Variants in PRPS2 observed in about 807,000 individuals in gnomAD.
The protein encoded by PRPS2 is phosphoribosyl pyrophosphate synthetase 2, also known as ribose-phosphate pyrophosphokinase 2.
For missense variants in PRPS2, 104 were observed against 271.5 expected (o/e 0.38, Z 4.34); for synonymous variants, 111 against 115.3 (o/e 0.96, Z 0.24).
chrX:12,810,284 T>C (rs1260456330), intron 4 of PRPS2, 138 bp downstream of exon 4: 1 of 803,303 alleles, frequency 1.2e-6, no homozygotes, highest in Non-Finnish European at 1.8e-6. Context: ...GACCGCAGGC[T>C]TCACTTCCAG....
intron 6 of PRPS2, 61 bp downstream of exon 6, chrX:12,820,864 T>C (rs1156484542): frequency 1.6e-5 from 18 of 1,135,735 alleles, no homozygotes; most frequent in Non-Finnish European, 2.1e-5. Context: ...TCCTTAAAAA[T>C]AGCATCATGT....
intron 2 of PRPS2, among the ~76,000 whole-genome samples, chrX:12,800,795 T>C (rs1325800020): frequency 9.0e-6 from 1 of 111,730 alleles, no homozygotes; most frequent in East Asian, 2.8e-4. Flanking sequence ...TGAATTTTAA[T>C]CCCAGTCTCC....
intron 2 of PRPS2, among the ~76,000 whole-genome samples, chrX:12,801,509 A>G (rs1486954427): frequency 8.9e-6 from 1 of 112,118 alleles, no homozygotes; most frequent in East Asian, 2.8e-4. Context: ...TCTCCTTGTC[A>G]TATCACATCC....
At chrX:12,793,325 G>A (rs1455269465) in intron 1 of PRPS2, among the ~76,000 whole-genome samples, 3 of 112,600 alleles carry the variant, frequency 2.7e-5, no homozygotes, top group Non-Finnish European at 5.6e-5. Flanking sequence ...TCAGTGTTGA[G>A]TTTCTCCTAA....
chrX:12,794,176 G>A (rs1010442748), intron 1 of PRPS2, among the ~76,000 whole-genome samples: 3 of 112,634 alleles, frequency 2.7e-5, no homozygotes, highest in African/African-American at 6.5e-5. Flanking sequence ...TTTTTGCCGC[G>A]TATGGTCACA....
rs755390085 is a variant in PRPS2, at chrX:12,823,476, A to T, written c.*680A>T. 9.0e-6 allele frequency: 1 copy of T among 110,879 alleles called. No homozygotes were observed. Among genetic ancestry groups the T allele is most frequent in the East Asian group, 2.8e-4 (1 of 3,550 alleles). The allele number at this position is 110,879 out of a possible 1,213,427, so 9.1% of individuals were successfully genotyped here. A position where few individuals can be genotyped will look rare whatever the true frequency, so the allele number is the denominator to read the frequency against. ...AGTGTATTTCTGGATCATTTTTTAA[A>T]TGACCTCTTCTAAAACATAACTGTC... is the stretch of plus-strand genomic sequence containing the variant. On this transcript the variant is annotated 3_prime_UTR_variant, in exon 7 of 7. Coordinates refer to ENST00000380668, the MANE Select transcript of PRPS2 (RefSeq NM_002765.5).
At position 12,820,686 on chromosome X, in the gene PRPS2, C is replaced by T. The variant is rs1483937180; in HGVS notation, c.747C>T (p.Thr249=). The change falls in exon 6 of 7, where the codon ACC becomes ACT. Residue 249 remains threonine (T), a synonymous_variant. Transcript: ENST00000380668. ...AGATKVYAIL[T]HGIFSGPAIS... ...CCACCAAAGTGTATGCTATCCTTACCCATGGGATCTTCTCTGGACCAGCTA... is the reference window on the plus strand; with the variant it reads ...CCACCAAAGTGTATGCTATCCTTACTCATGGGATCTTCTCTGGACCAGCTA... The T allele has an allele frequency of 5.0e-6, 6 of 1,211,172 alleles. No individual in the cohort carries two copies. Among genetic ancestry groups the T allele is most frequent in the Non-Finnish European group, 5.6e-6 (5 of 895,209 alleles).
Position 12,803,458 on chromosome X carries a change from T to G in PRPS2, c.306+4068T>G, listed in dbSNP as rs1025032503. 4.5e-5 allele frequency among the ~76,000 whole-genome samples: 5 copies of G among 112,114 alleles called. No individual in the cohort carries two copies. In the Admixed American group the frequency reaches 4.7e-4, roughly 11 times the overall value. On this transcript the variant is annotated intron_variant, in intron 2 of 6. Transcript: ENST00000380668. ...GCACACCACCACGCCTGGCTAATATTTTTTGCTTTTTGTAGAGGCAGTGTC... is the reference window on the plus strand; with the variant it reads ...GCACACCACCACGCCTGGCTAATATGTTTTGCTTTTTGTAGAGGCAGTGTC...
chrX:12,821,896 GT>G (rs771831519), intron 6 of PRPS2, among the ~76,000 whole-genome samples: 1 of 112,505 alleles, frequency 8.9e-6, no homozygotes, highest in East Asian at 2.8e-4. Flanking sequence ...CTATGTCGCT[GT>G]GAACCTTGGC....
At chrX:12,794,802 T>A (rs746659587) in intron 1 of PRPS2, among the ~76,000 whole-genome samples, 1 of 111,795 alleles carries the variant, frequency 8.9e-6, no homozygotes, top group East Asian at 2.8e-4. Flanking sequence ...AGAACTGAGG[T>A]TCCTGAGTAA....
intron 4 of PRPS2, among the ~76,000 whole-genome samples, chrX:12,810,756 G>C (rs954833235): frequency 1.8e-5 from 2 of 109,583 alleles, no homozygotes; most frequent in Non-Finnish European, 3.8e-5. Flanking sequence ...AAGCCGAGGC[G>C]GGAGAATCAC....
chrX:12,812,877 T>G (rs1247975141), intron 4 of PRPS2, among the ~76,000 whole-genome samples: 1 of 111,663 alleles, frequency 9.0e-6, no homozygotes, highest in Non-Finnish European at 1.9e-5. Flanking sequence ...TTGGAGACTT[T>G]GTATATCAAT....
At chrX:12,809,102 C>A in intron 2 of PRPS2, 132 bp from the exon 3 acceptor site, 1 of 542,519 alleles carries the variant, frequency 1.8e-6, no homozygotes, top group Non-Finnish European at 3.0e-6. Flanking sequence ...TTTGCTGTCA[C>A]AACATGTATA....
At chrX:12,791,681 T>C in intron 1 of PRPS2, 62 bp downstream of exon 1, 1 of 880,478 alleles carries the variant, frequency 1.1e-6, no homozygotes, top group Non-Finnish European at 1.4e-6. Context: ...CGGGGCCGGG[T>C]TGGGGGCCGG....
chrX:12,797,853 A>G (rs764961860), intron 1 of PRPS2, among the ~76,000 whole-genome samples: 3 of 112,469 alleles, frequency 2.7e-5, no homozygotes, highest in Non-Finnish European at 3.8e-5. Context: ...CCAGACATGC[A>G]ATTTTCAAAA....
At chrX:12,794,939 C>T (rs890020536) in intron 1 of PRPS2, among the ~76,000 whole-genome samples, 12 of 112,062 alleles carry the variant, frequency 1.1e-4, no homozygotes, top group Middle Eastern at 4.6e-3. Context: ...TCTGTTGCTG[C>T]GGTATCTTAC....
At chrX:12,818,685 T>C (rs1423127806) in intron 4 of PRPS2, among the ~76,000 whole-genome samples, 2 of 112,112 alleles carry the variant, frequency 1.8e-5, no homozygotes, top group African/African-American at 6.5e-5. Flanking sequence ...ATGACTGTTA[T>C]TTTAAAAACT....
At chrX:12,822,440 G>T (rs1454899190) in intron 6 of PRPS2, among the ~76,000 whole-genome samples, 1 of 112,066 alleles carries the variant, frequency 8.9e-6, no homozygotes, top group Non-Finnish European at 1.9e-5. Flanking sequence ...GATGTCTCTG[G>T]TTAACAGTAT....
At chrX:12,797,965 A>C (rs1354488250) in intron 1 of PRPS2, among the ~76,000 whole-genome samples, 1 of 112,649 alleles carries the variant, frequency 8.9e-6, no homozygotes, top group African/African-American at 3.2e-5. Flanking sequence ...TGGCAAATGG[A>C]GTGCAGGAGA....
Sources: allele counts gnomAD v4.1 joint callset (sites outside exome capture counted in the v4.1 genomes callset), GRCh38; gene constraint gnomAD v4.1.1; transcripts MANE v1.5; gene names NCBI Gene and HGNC (gene_info 2026-07-23, HGNC 2026-07-21).